MEF2C: variants seen among roughly 807,000 people sequenced by gnomAD.
MEF2C encodes the protein myocyte enhancer factor 2C.
MEF2C carries 6 observed loss-of-function variants against 50.5 expected under a neutral mutation model. That is an observed-to-expected ratio of 0.12 (90% confidence interval 0.07 to 0.23). The LOEUF (loss-of-function observed/expected upper bound fraction) is 0.23, where lower values mean the gene tolerates loss of function less well. Among genes scored for constraint, MEF2C ranks in the 10% least tolerant of loss-of-function variants. The probability of loss-of-function intolerance (pLI) is 1.00; values close to 1 mark genes in which losing one functional copy is unlikely to be tolerated. For synonymous variants in MEF2C, 183 were observed against 228.0 expected (o/e 0.80, Z 1.78); for missense variants, 276 against 605.0 (o/e 0.46, Z 5.70).
rs762640395 is a variant in MEF2C, at chr5:88,749,162, C to T, written c.590-45G>A. 6.6e-6 allele frequency: 10 copies of T among 1,524,162 alleles called. No homozygotes were observed. The South Asian group carries it at 1.2e-4, about 19-fold the overall frequency. The allele number at this position is 1,524,162 out of a possible 1,614,324, so 94.4% of individuals were successfully genotyped here. A position where few individuals can be genotyped will look rare whatever the true frequency, so the allele number is the denominator to read the frequency against. ...ATCAAAACGAGAAAGGCTAAAGGCC[C>T]ACAGAACAAAACACTTTACCTTCAG... On this transcript the variant is annotated intron_variant, in intron 5 of 10. Coordinates refer to ENST00000504921, the MANE Select transcript of MEF2C (RefSeq NM_002397.5).
At chr5:88,799,903 CACACACACACAG>C (rs1335526208) in intron 3 of MEF2C, among the ~76,000 whole-genome samples, 1 of 94,770 alleles carries the variant, frequency 1.1e-5, no homozygotes, top group Non-Finnish European at 2.7e-5. Flanking sequence ...CACACACACA[CACACACACACAG>C]AGAGAGAGAC....
intron 3 of MEF2C, among the ~76,000 whole-genome samples, chr5:88,778,303 G>C (rs1265002951): frequency 6.6e-6 from 1 of 152,086 alleles, no homozygotes; most frequent in African/African-American, 2.4e-5. Context: ...TGAAGCACAG[G>C]TTTATTACAA....
At chr5:88,849,150 CAAAAAAA>C (rs11295110) in intron 1 of MEF2C, among the ~76,000 whole-genome samples, 2 of 92,298 alleles carry the variant, frequency 2.2e-5, no homozygotes, top group Non-Finnish European at 4.5e-5. Flanking sequence ...GACTTTGTCT[CAAAAAAA>C]AAAAAAAAAA....
chr5:88,769,868 A>G, intron 3 of MEF2C: 1 of 720,118 alleles, frequency 1.4e-6, no homozygotes. Context: ...CTGGTCTTGA[A>G]CTCTTGACCT....
intron 6 of MEF2C, chr5:88,740,409 G>A (rs1418211582): frequency 1.0e-6 from 1 of 985,142 alleles, no homozygotes; most frequent in Non-Finnish European, 1.2e-6. Flanking sequence ...CCATCAAGTA[G>A]GTTTGTGTTG....
At chr5:88,839,226 C>T (rs1170478599) in intron 1 of MEF2C, 2 of 151,722 alleles carry the variant, frequency 1.3e-5, no homozygotes, top group Non-Finnish European at 2.9e-5. Flanking sequence ...TATAGTACAT[C>T]TATATTCACT....
intron 1 of MEF2C, among the ~76,000 whole-genome samples, chr5:88,858,632 C>A (rs1057237324): frequency 1.3e-5 from 2 of 152,168 alleles, no homozygotes; most frequent in Non-Finnish European, 2.9e-5. Flanking sequence ...CTCTGGCCCT[C>A]ACTTACATGC....
At chr5:88,868,811 G>A (rs532520742) in intron 1 of MEF2C, among the ~76,000 whole-genome samples, 1 of 152,132 alleles carries the variant, frequency 6.6e-6, no homozygotes, top group South Asian at 2.1e-4. Context: ...TATCTGATGT[G>A]TAAGATTACA....
In MEF2C at chr5:88,719,056, A is replaced by T. The variant is rs1398468168; in HGVS notation, c.*3548T>A. 1 of 152,218 alleles carries T rather than the reference A, an allele frequency of 6.6e-6. No homozygotes were observed. Among genetic ancestry groups the T allele is most frequent in the African/African-American group, 2.4e-5 (1 of 41,452 alleles). 9.4% of individuals were successfully genotyped at this position (152,218 alleles called of 1,614,324 possible). On this transcript the variant is annotated 3_prime_UTR_variant, in exon 11 of 11. Transcript: ENST00000504921. Reference sequence around the variant, plus strand: ...TAAAAAAAATGTTTTTTAAAGAAAGAACTACAAAGCGTTTACTCTCTGGAG... The same window carrying T: ...TAAAAAAAATGTTTTTTAAAGAAAGTACTACAAAGCGTTTACTCTCTGGAG...
intron 2 of MEF2C, among the ~76,000 whole-genome samples, chr5:88,816,774 T>C (rs1194992788): frequency 6.6e-6 from 1 of 151,914 alleles, no homozygotes; most frequent in Non-Finnish European, 1.5e-5. Context: ...TTTAGTATAA[T>C]TTTTAATACA....
chr5:88,783,223 C>G (rs565959225), intron 3 of MEF2C, among the ~76,000 whole-genome samples: 2 of 152,268 alleles, frequency 1.3e-5, no homozygotes, highest in East Asian at 3.9e-4. Context: ...TAAACCTTAC[C>G]AAGTGTCAGA....
At chr5:88,880,288 T>C (rs149995538) in intron 1 of MEF2C, among the ~76,000 whole-genome samples, 90 of 152,306 alleles carry the variant, frequency 5.9e-4, no homozygotes, top group African/African-American at 2.0e-3. Context: ...AATAATCTCT[T>C]AACAGTTCAT....
At chr5:88,747,939 T>G (rs1327538082) in intron 6 of MEF2C, 1 of 539,648 alleles carries the variant, frequency 1.9e-6, no homozygotes, top group African/African-American at 2.1e-5. Flanking sequence ...TTCATTTCCA[T>G]GTCCAGCAAA....
chr5:88,768,535 C>G (rs1780992266), intron 3 of MEF2C: 1 of 213,438 alleles, frequency 4.7e-6, no homozygotes, highest in Admixed American at 6.5e-5. Context: ...GTTTTTCTTC[C>G]TGCTACTATG....
chr5:88,871,723 T>C (rs575123543), intron 1 of MEF2C, among the ~76,000 whole-genome samples: 2 of 152,162 alleles, frequency 1.3e-5, no homozygotes, highest in South Asian at 2.1e-4. Context: ...AAATCTACAT[T>C]TTACCTAAAT....
chr5:88,865,552 T>C (rs1168243253), intron 1 of MEF2C, among the ~76,000 whole-genome samples: 7 of 152,176 alleles, frequency 4.6e-5, no homozygotes, highest in African/African-American at 1.7e-4. Context: ...TTACAGTGAA[T>C]AATTATTTCC....
intron 3 of MEF2C, among the ~76,000 whole-genome samples, chr5:88,801,834 T>C (rs1234136495): frequency 2.0e-5 from 3 of 152,194 alleles, no homozygotes; most frequent in Non-Finnish European, 4.4e-5. Flanking sequence ...GATTCCCTCT[T>C]CACCAAGTGT....
chr5:88,739,492 A>T, intron 6 of MEF2C: 11 of 970,168 alleles, frequency 1.1e-5, no homozygotes, highest in Non-Finnish European at 1.3e-5. Context: ...CAATATCAGG[A>T]TATTGTTTTG....
chr5:88,879,218 T>C (rs986728568), intron 1 of MEF2C, among the ~76,000 whole-genome samples: 4 of 151,888 alleles, frequency 2.6e-5, no homozygotes, highest in Non-Finnish European at 5.9e-5. Context: ...AGGACTTCAA[T>C]TTTAGAAGAA....
Sources: gnomAD v4.1 joint callset for allele counts (sites outside exome capture counted in the v4.1 genomes callset) on GRCh38, gnomAD v4.1.1 for gene constraint, MANE v1.5 for transcripts, NCBI Gene and HGNC (gene_info 2026-07-23, HGNC 2026-07-21) for gene names.